Variants in FGF14 observed in about 807,000 individuals in gnomAD.
The protein encoded by FGF14 is fibroblast growth factor 14.
FGF14 carries 5 observed loss-of-function variants against 25.5 expected under a neutral mutation model. That is an observed-to-expected ratio of 0.20 (90% confidence interval 0.10 to 0.41). FGF14 has a LOEUF of 0.41. FGF14 is among the 10% of genes least tolerant of loss of function. The probability of loss-of-function intolerance (pLI) is 1.00; values close to 1 mark genes in which losing one functional copy is unlikely to be tolerated. For synonymous variants in FGF14, 138 were observed against 118.3 expected, an observed-to-expected ratio of 1.17 and a Z score of -1.08; for missense variants, 222 against 320.1, an observed-to-expected ratio of 0.69 and a Z score of 2.34.
At chr13:102,362,960 GA>G (rs2057609017) in intron 1 of FGF14, among the ~76,000 whole-genome samples, 1 of 152,082 alleles carries the variant, frequency 6.6e-6, no homozygotes, top group African/African-American at 2.4e-5. Context: ...TTGAAGTGTT[GA>G]AAAAGAGAAT....
intron 1 of FGF14, among the ~76,000 whole-genome samples, chr13:102,222,531 A>G (rs1159699061): frequency 9.2e-5 from 14 of 152,216 alleles, no homozygotes; most frequent in Admixed American, 9.2e-4. Flanking sequence ...AGTCCTAGTT[A>G]TTACAGAGAA....
intron 1 of FGF14, among the ~76,000 whole-genome samples, chr13:102,034,292 CAAT>C (rs1281483323): frequency 6.6e-6 from 1 of 152,082 alleles, no homozygotes; most frequent in African/African-American, 2.4e-5. Flanking sequence ...GATGGAGTCA[CAAT>C]GTTTTCTCAT....
chr13:101,777,556 TC>T lies in FGF14; in HGVS notation c.409-50747del, dbSNP rs1449722212. On this transcript the variant is annotated intron_variant, in intron 3 of 4. Coordinates refer to ENST00000376143, the MANE Select transcript of FGF14 (RefSeq NM_004115.4). ...GTCTCTAACTGCAAATGAGAATGAC[TC>T]CCCGAGGGAAGCCTTTGGGATCACA... 5.3e-5 allele frequency among the ~76,000 whole-genome samples: 8 copies of T among 152,120 alleles called. No homozygotes were observed. In the South Asian group the frequency reaches 1.2e-3, roughly 24 times the overall value.
At chr13:101,969,210 G>A (rs2037436114) in intron 1 of FGF14, among the ~76,000 whole-genome samples, 1 of 152,114 alleles carries the variant, frequency 6.6e-6, no homozygotes, top group Admixed American at 6.5e-5. Context: ...TCATGGGTGG[G>A]TAAGTTACCA....
At chr13:101,922,794 AG>A (rs2034094023) in intron 1 of FGF14, among the ~76,000 whole-genome samples, 1 of 151,720 alleles carries the variant, frequency 6.6e-6, no homozygotes, top group African/African-American at 2.4e-5. Flanking sequence ...CAAGTAGATA[AG>A]TTTCGATACA....
chr13:101,740,703 G>C (rs1034749278), intron 3 of FGF14, among the ~76,000 whole-genome samples: 7 of 152,040 alleles, frequency 4.6e-5, no homozygotes, highest in African/African-American at 1.7e-4. Context: ...AGTTTCCAGA[G>C]TGCTTTCTGT....
chr13:101,781,048 C>T (rs973438283), intron 3 of FGF14, among the ~76,000 whole-genome samples: 38 of 152,012 alleles, frequency 2.5e-4, no homozygotes, highest in Non-Finnish European at 8.8e-5. Context: ...GGCCACCTCA[C>T]GGTTCTTACA....
chr13:102,369,521 T>C (rs1279608444), intron 1 of FGF14, among the ~76,000 whole-genome samples: 4 of 152,168 alleles, frequency 2.6e-5, no homozygotes, highest in Non-Finnish European at 4.4e-5. Flanking sequence ...TGACACAGGA[T>C]CTGGCTGCAG....
At chr13:101,770,689 A>G (rs1312269133) in intron 3 of FGF14, among the ~76,000 whole-genome samples, 1 of 152,136 alleles carries the variant, frequency 6.6e-6, no homozygotes, top group Non-Finnish European at 1.5e-5. Context: ...CCAAGTAAGA[A>G]ACTACAAAAG....
chr13:102,159,658 T>C (rs1057299926), intron 1 of FGF14, among the ~76,000 whole-genome samples: 3 of 152,194 alleles, frequency 2.0e-5, no homozygotes, highest in Admixed American at 1.3e-4. Context: ...TCCTATCTTA[T>C]TTATTTTTGT....
chr13:102,275,234 T>TTTTCTC (rs1555391830), intron 1 of FGF14, among the ~76,000 whole-genome samples: 5 of 67,484 alleles, frequency 7.4e-5, no homozygotes, highest in Admixed American at 4.3e-4. Context: ...TTAGGCAGAT[T>TTTTCTC]TCTCTCTCTC....
chr13:102,271,768 T>C (rs1266860352), intron 1 of FGF14, among the ~76,000 whole-genome samples: 3 of 152,202 alleles, frequency 2.0e-5, no homozygotes, highest in Non-Finnish European at 4.4e-5. Flanking sequence ...TGTGGTCAAG[T>C]AGACAGCATG....
intron 1 of FGF14, chr13:102,354,336 A>G (rs184289787): frequency 1.3e-5 from 2 of 152,342 alleles, no homozygotes; most frequent in East Asian, 1.9e-4. Context: ...TCACTGAGCC[A>G]GACTAAGACA....
At chr13:102,038,080 A>G (rs1381925105) in intron 1 of FGF14, among the ~76,000 whole-genome samples, 1 of 152,170 alleles carries the variant, frequency 6.6e-6, no homozygotes. Context: ...AAATAAATAC[A>G]TCTAGGCTGG....
At chr13:102,032,155 G>A (rs2041243952) in intron 1 of FGF14, among the ~76,000 whole-genome samples, 1 of 152,102 alleles carries the variant, frequency 6.6e-6, no homozygotes, top group African/African-American at 2.4e-5. Flanking sequence ...CTGCAGCACA[G>A]GACCTTACCC....
intron 1 of FGF14, among the ~76,000 whole-genome samples, chr13:102,260,598 T>C (rs909405223): frequency 1.3e-5 from 2 of 152,388 alleles, no homozygotes; most frequent in Non-Finnish European, 2.9e-5. Context: ...GAGACAGCTT[T>C]GCTATCGCTA....
chr13:101,739,950 T>G (rs527264049), intron 3 of FGF14, among the ~76,000 whole-genome samples: 2 of 152,248 alleles, frequency 1.3e-5, no homozygotes, highest in South Asian at 2.1e-4. Context: ...AAAATCAACT[T>G]AGAACCCGAT....
At chr13:102,253,743 C>T (rs997304210) in intron 1 of FGF14, among the ~76,000 whole-genome samples, 2 of 152,084 alleles carry the variant, frequency 1.3e-5, no homozygotes, top group African/African-American at 4.8e-5. Flanking sequence ...CACATATTTT[C>T]GATCTGTGGT....
In FGF14 at chr13:102,095,977, TTGTG is replaced by T. The variant is rs35113785; in HGVS notation, c.209-220685_209-220682del. ...TCAACTGTACATATTTAAATACAATTTGTGTGTGTGTGTGTGTGTGTGTGTATAT... is the reference window on the plus strand; with the variant it reads ...TCAACTGTACATATTTAAATACAATTTGTGTGTGTGTGTGTGTGTGTATAT... On this transcript the variant is annotated intron_variant, in intron 1 of 4. Transcript: ENST00000376131. Among the ~76,000 whole-genome samples, 1,115 of 142,710 alleles carry T rather than the reference TTGTG, an allele frequency of 7.8e-3. 16 individuals carry two copies. The highest frequency in any genetic ancestry group is 0.026 in the African/African-American group (1,024 of 39,456). The allele number at this position is 142,710 out of a possible 152,430, so 93.6% of individuals were successfully genotyped here. A position where few individuals can be genotyped will look rare whatever the true frequency, so the allele number is the denominator to read the frequency against.
Sources: gnomAD v4.1 joint callset for allele counts (sites outside exome capture counted in the v4.1 genomes callset) on GRCh38, gnomAD v4.1.1 for gene constraint, MANE v1.5 for transcripts, NCBI Gene and HGNC (gene_info 2026-07-23, HGNC 2026-07-21) for gene names.